Variants in CALU observed in about 807,000 individuals in gnomAD.
The protein encoded by CALU is calumenin.
CALU carries 13 observed loss-of-function variants against 37.5 expected under a neutral mutation model. That is an observed-to-expected ratio of 0.35 (90% CI 0.23 to 0.55). The LOEUF is 0.55. Among genes scored for constraint, CALU ranks in the 20% least tolerant of loss-of-function variants. CALU has a pLI of 0.89. For synonymous variants in CALU, 114 were observed against 133.8 expected, an observed-to-expected ratio of 0.85 and a Z score of 1.02; for missense variants, 282 against 391.7, an observed-to-expected ratio of 0.72 and a Z score of 2.36.
chr7:128,755,742 T>G (rs1800857585), intron 3 of CALU, among the ~76,000 whole-genome samples: 1 of 152,178 alleles, frequency 6.6e-6, no homozygotes, highest in Admixed American at 6.5e-5. Flanking sequence ...ATCCAGGGTG[T>G]TTTTATTTGT....
In CALU at chr7:128,769,441, T is replaced by C. The variant is rs1390957268; in HGVS notation, c.*274T>C. The C allele has an allele frequency of 1.4e-5, 3 of 216,666 alleles. No homozygotes were observed. The highest frequency in any genetic ancestry group is 2.8e-5 in the Non-Finnish European group (3 of 108,158). 13.4% of individuals were successfully genotyped at this position (216,666 alleles called of 1,614,324 possible). A position where few individuals can be genotyped will look rare whatever the true frequency, so the allele number is the denominator to read the frequency against. On this transcript the variant is annotated 3_prime_UTR_variant, in exon 7 of 7. Transcript: ENST00000249364. ...GCGTGTTTATTTTTGTATTTTTCTCTGGTTGGGAGTATGATATGAAGGATC... is the reference window on the plus strand; with the variant it reads ...GCGTGTTTATTTTTGTATTTTTCTCCGGTTGGGAGTATGATATGAAGGATC...
At chr7:128,741,876 T>C (rs748279984) in intron 1 of CALU, among the ~76,000 whole-genome samples, 5 of 152,386 alleles carry the variant, frequency 3.3e-5, no homozygotes, top group South Asian at 4.1e-4. Flanking sequence ...AAGTTTTTTA[T>C]TCTGTAGCCA....
At chr7:128,750,184 C>T (rs189569292) in intron 2 of CALU, among the ~76,000 whole-genome samples, 13 of 144,438 alleles carry the variant, frequency 9.0e-5, no homozygotes, top group East Asian at 2.0e-4. Flanking sequence ...GCCGAGATCA[C>T]GCCACTGCAC....
rs553363157 is a variant in CALU, at chr7:128,741,773, A to G, written c.-12+2341A>G. Among the ~76,000 whole-genome samples, 8 of 152,356 alleles carry G rather than the reference A, an allele frequency of 5.3e-5. 2 individuals are homozygous for G. Among genetic ancestry groups the G allele is most frequent in the African/African-American group, 1.9e-4 (8 of 41,588 alleles). On this transcript the variant is annotated intron_variant, in intron 1 of 6. Coordinates refer to ENST00000249364, the MANE Select transcript of CALU (RefSeq NM_001219.5). ...CAAGGCTCCTATCCCTACATTTCAA[A>G]TAGCATTTCTCTCACAATTGATTAT...
chr7:128,769,164 C>T lies in CALU; in HGVS notation c.945C>T (p.Phe315=). 1.3e-6 allele frequency: 2 copies of T among 1,532,542 alleles called. No individual in the cohort carries two copies. Among genetic ancestry groups the T allele is most frequent in the Non-Finnish European group, 1.8e-6 (2 of 1,109,680 alleles). 94.9% of individuals were successfully genotyped at this position (1,532,542 alleles called of 1,614,324 possible). Residue 315 remains phenylalanine (F), a synonymous_variant, in exon 7 of 7, where the codon TTC becomes TTT. Coordinates refer to ENST00000249364, the MANE Select transcript of CALU (RefSeq NM_001219.5). ...AGGCCTTAGTACGGCATGATGAGTT[C>T]TGAGCTACGGAGGAACCCTCATTTC... is the stretch of plus-strand genomic sequence containing the variant. ...FGEALVRHDE[F]
intron 1 of CALU, among the ~76,000 whole-genome samples, chr7:128,743,061 A>C (rs1360281196): frequency 1.3e-5 from 2 of 152,218 alleles, no homozygotes; most frequent in Non-Finnish European, 2.9e-5. Flanking sequence ...ATGAAATGTA[A>C]CACTTATACC....
At chr7:128,762,485 T>C (rs1401035461) in intron 5 of CALU, among the ~76,000 whole-genome samples, 2 of 151,714 alleles carry the variant, frequency 1.3e-5, no homozygotes, top group African/African-American at 4.8e-5. Context: ...TAGTGCCCTG[T>C]TGAAGGAGAT....
Position 128,748,560 on chromosome 7 carries a change from C to A in CALU, c.-11-13C>A. On this transcript the variant is annotated splice_polypyrimidine_tract_variant and intron_variant, in intron 1 of 6. Coordinates refer to ENST00000249364, the MANE Select transcript of CALU (RefSeq NM_001219.5). The stretch of plus-strand genomic sequence containing the variant: ...ACTGCCTCCTGAATTAACTGCTTTT[C>A]ATTTTCTTCAAGATCTAATTATCAT... 6.3e-7 allele frequency: 1 copy of A among 1,591,458 alleles called. No individual in the cohort carries two copies. The highest frequency in any genetic ancestry group is 8.6e-7 in the Non-Finnish European group (1 of 1,163,066).
At chr7:128,760,867 C>G (rs1034044648) in intron 5 of CALU, among the ~76,000 whole-genome samples, 1 of 152,170 alleles carries the variant, frequency 6.6e-6, no homozygotes, top group South Asian at 2.1e-4. Context: ...GAGATCATGC[C>G]ACTGCACTCC....
chr7:128,755,268 C>T (rs1160594334), intron 3 of CALU, among the ~76,000 whole-genome samples: 1 of 128,700 alleles, frequency 7.8e-6, no homozygotes, highest in East Asian at 2.2e-4. Context: ...GCCATGATTG[C>T]ACTGCTGCAC....
chr7:128,770,818 C>T lies in CALU; in HGVS notation c.*1651C>T, dbSNP rs1801532145. ...CAAGATAAATATATGTATATATAAC[C>T]TTTATTATTGCTATATCTTTGTGGA... On this transcript the variant is annotated 3_prime_UTR_variant, in exon 7 of 7. Coordinates refer to ENST00000249364, the MANE Select transcript of CALU (RefSeq NM_001219.5). 1 of 152,496 alleles carries T rather than the reference C, an allele frequency of 6.6e-6. No homozygotes were observed. Among genetic ancestry groups the T allele is most frequent in the African/African-American group, 2.4e-5 (1 of 41,396 alleles). 9.4% of individuals were successfully genotyped at this position (152,496 alleles called of 1,614,324 possible).
rs1801474594 is a variant in CALU at position 128,769,446 on chromosome 7, G to A, written c.*279G>A. The A allele has an allele frequency of 9.3e-6, 2 of 214,006 alleles. No individual in the cohort carries two copies. The highest frequency in any genetic ancestry group is 4.6e-5 in the African/African-American group (2 of 43,460). The allele number at this position is 214,006 out of a possible 1,614,324, so 13.3% of individuals were successfully genotyped here. Reference sequence around the variant, plus strand: ...TTTATTTTTGTATTTTTCTCTGGTTGGGAGTATGATATGAAGGATCAAGAT... The same window carrying A: ...TTTATTTTTGTATTTTTCTCTGGTTAGGAGTATGATATGAAGGATCAAGAT... On this transcript the variant is annotated 3_prime_UTR_variant, in exon 7 of 7. Coordinates refer to ENST00000249364, the MANE Select transcript of CALU (RefSeq NM_001219.5).
At chr7:128,761,496 G>A (rs928561206) in intron 5 of CALU, 2 of 152,168 alleles carry the variant, frequency 1.3e-5, no homozygotes, top group Admixed American at 6.5e-5. Flanking sequence ...ACCGGCCCGG[G>A]ACAGAATCAG....
intron 3 of CALU, among the ~76,000 whole-genome samples, chr7:128,758,341 G>A (rs1254835677): frequency 2.0e-5 from 3 of 152,164 alleles, no homozygotes; most frequent in Non-Finnish European, 2.9e-5. Context: ...AGATCCTAAT[G>A]TTTAATAAAA....
rs981508849 is a variant in CALU, at chr7:128,772,907, T to G, written c.*3740T>G. Among the ~76,000 whole-genome samples, 4 of 152,238 alleles carry G rather than the reference T, an allele frequency of 2.6e-5. No homozygotes were observed. Among genetic ancestry groups the G allele is most frequent in the Non-Finnish European group, 4.4e-5 (3 of 68,040 alleles). Reference sequence around the variant, plus strand: ...CTGTTGGTAAATTCACAAACCATCCTGCTTCATAAAAGCACTGTCAGCAGA... The same window carrying G: ...CTGTTGGTAAATTCACAAACCATCCGGCTTCATAAAAGCACTGTCAGCAGA... On this transcript the variant is annotated 3_prime_UTR_variant, in exon 7 of 7. Coordinates refer to ENST00000249364, the MANE Select transcript of CALU (RefSeq NM_001219.5).
chr7:128,750,220 C>T (rs938866638), intron 2 of CALU, among the ~76,000 whole-genome samples: 1 of 75,096 alleles, frequency 1.3e-5, no homozygotes, highest in African/African-American at 4.9e-5. Flanking sequence ...AGAGCCATCT[C>T]AAAAAAAAAA....
At position 128,769,359 on chromosome 7, in the gene CALU, ACT is replaced by A. The variant is rs1449645291; in HGVS notation, c.*195_*196del. The A allele has an allele frequency of 1.0e-5, 5 of 479,364 alleles. No homozygotes were observed. The highest frequency in any genetic ancestry group is 9.7e-5 in the African/African-American group (5 of 51,286). 29.7% of individuals were successfully genotyped at this position (479,364 alleles called of 1,614,324 possible). ...AGGGAAGCCGTGCTTCTGAGGAACA[ACT>A]CTAATTAGTACACTTGTGTTTGTAG... On this transcript the variant is annotated 3_prime_UTR_variant, in exon 7 of 7. Coordinates refer to ENST00000249364, the MANE Select transcript of CALU (RefSeq NM_001219.5).
intron 1 of CALU, 134 bp from the exon 2 acceptor site, chr7:128,748,439 T>C (rs576010117): frequency 8.1e-7 from 1 of 1,232,374 alleles, no homozygotes; most frequent in Admixed American, 2.5e-5. Context: ...TGAAGTAATA[T>C]TTGGGATAAT....
intron 5 of CALU, chr7:128,761,336 G>A (rs912541495): frequency 6.6e-6 from 1 of 152,104 alleles, no homozygotes; most frequent in Admixed American, 6.5e-5. Context: ...ATGAGTAAAG[G>A]AGCTGGGTGT....
Sources: gnomAD v4.1 joint callset for allele counts (sites outside exome capture counted in the v4.1 genomes callset) on GRCh38, gnomAD v4.1.1 for gene constraint, MANE v1.5 for transcripts, NCBI Gene and HGNC (gene_info 2026-07-23, HGNC 2026-07-21) for gene names.